The following HCRTR2 variants were observed in gnomAD, a reference collection of about 807,000 sequenced individuals.
HCRTR2 encodes orexin receptor type 2.
HCRTR2 carries 22 observed loss-of-function variants against 49.0 expected under a neutral mutation model. That is an observed-to-expected ratio of 0.45 (90% CI 0.32 to 0.64). The LOEUF is 0.64. Ranked by LOEUF, HCRTR2 falls within the 30% of genes least tolerant of loss-of-function variation. The pLI is 0.04. For missense variants in HCRTR2, 491 were observed against 559.4 expected (o/e 0.88, Z 1.23); for synonymous variants, 236 against 205.3 (o/e 1.15, Z -1.28).
At position 55,278,527 on chromosome 6, in the gene HCRTR2, CCT is replaced by C. The variant is rs199931854; in HGVS notation, c.983+928_983+929del. ...CAAAGGGTTCTCATTCTCTTTGGCC[CCT>C]GTTTTTGATGGTTTAACGGCTTTTT... On this transcript the variant is annotated intron_variant, in intron 5 of 6. Transcript: ENST00000370862. Among the ~76,000 whole-genome samples, 988 of 152,058 alleles carry C rather than the reference CCT, an allele frequency of 6.5e-3. 13 individuals are homozygous for C. The highest frequency in any genetic ancestry group is 0.022 in the African/African-American group (923 of 41,478).
At chr6:55,185,196 T>C (rs1765196500) in intron 1 of HCRTR2, among the ~76,000 whole-genome samples, 1 of 152,174 alleles carries the variant, frequency 6.6e-6, no homozygotes, top group South Asian at 2.1e-4. Context: ...AAGATAAAAA[T>C]ACATTAACAA....
At chr6:55,262,361 AATGT>A in intron 3 of HCRTR2, among the ~76,000 whole-genome samples, 1 of 140,324 alleles carries the variant, frequency 7.1e-6, no homozygotes, top group African/African-American at 2.7e-5. Context: ...ATAAATATAT[AATGT>A]ATTATAGTTA....
intron 1 of HCRTR2, among the ~76,000 whole-genome samples, chr6:55,111,743 C>A (rs1429623823): frequency 6.6e-6 from 1 of 151,892 alleles, no homozygotes; most frequent in African/African-American, 2.4e-5. Flanking sequence ...GGTACCAATC[C>A]TGTTGATACT....
intron 1 of HCRTR2, among the ~76,000 whole-genome samples, chr6:55,155,108 A>G (rs1319981430): frequency 2.0e-5 from 3 of 151,918 alleles, no homozygotes; most frequent in Non-Finnish European, 4.4e-5. Context: ...ATTCCATGCC[A>G]TGGTTTGGAA....
chr6:55,125,770 C>A (rs187090366), intron 1 of HCRTR2, among the ~76,000 whole-genome samples: 1 of 152,188 alleles, frequency 6.6e-6, no homozygotes, highest in East Asian at 1.9e-4. Flanking sequence ...TATGTTTGGT[C>A]TTTTCACATA....
intron 1 of HCRTR2, among the ~76,000 whole-genome samples, chr6:55,201,553 CT>C (rs1765513647): frequency 6.6e-6 from 1 of 151,996 alleles, no homozygotes; most frequent in Non-Finnish European, 1.5e-5. Flanking sequence ...ATTCTTTTTG[CT>C]CATTTATAAA....
At chr6:55,228,340 T>A (rs78611461) in intron 1 of HCRTR2, among the ~76,000 whole-genome samples, 3 of 152,032 alleles carry the variant, frequency 2.0e-5, no homozygotes, top group African/African-American at 7.2e-5. Context: ...GAAAAAAAAT[T>A]AAATATTAAA....
intron 1 of HCRTR2, among the ~76,000 whole-genome samples, chr6:55,165,019 T>G (rs1389743501): frequency 6.6e-6 from 1 of 152,078 alleles, no homozygotes; most frequent in Non-Finnish European, 1.5e-5. Flanking sequence ...GCTGAAAAAT[T>G]CAATTGATAT....
At chr6:55,214,712 C>G (rs1765757932) in intron 1 of HCRTR2, among the ~76,000 whole-genome samples, 2 of 151,514 alleles carry the variant, frequency 1.3e-5, no homozygotes, top group Admixed American at 1.3e-4. Flanking sequence ...GCTTAGAAAA[C>G]CAATTAATGG....
rs563934688 is a variant in HCRTR2, at chr6:55,136,396, T to G, written c.-378+29851T>G. On this transcript the variant is annotated intron_variant, in intron 1 of 7. Transcript: ENST00000615358. ...TCCTGTTCACATACACACTCTAACT[T>G]TGGTCTTTTTATTTACTTTGTCTGT... Among the ~76,000 whole-genome samples the G allele has an allele frequency of 1.1e-3, 160 of 152,238 alleles. 2 individuals are homozygous for G. In the South Asian group the frequency reaches 0.02, roughly 19 times the overall value.
At chr6:55,251,817 T>C (rs887940297) in intron 2 of HCRTR2, among the ~76,000 whole-genome samples, 3 of 152,048 alleles carry the variant, frequency 2.0e-5, no homozygotes, top group African/African-American at 7.2e-5. Context: ...GTGCCCATAG[T>C]ATAGGTCAAA....
In HCRTR2 at chr6:55,277,478, C is replaced by T; in HGVS notation, c.861C>T (p.Ser287=). The change falls in exon 5 of 7, where the codon AGC becomes AGT. Residue 287 remains serine (S), a synonymous_variant. Coordinates refer to ENST00000370862, the MANE Select transcript of HCRTR2 (RefSeq NM_001384272.1). ...GACAGCCAACGAAGTCCCGGATGAG[C>T]GCTGTGGCGGCTGAAATAAAGCAGA... is the stretch of plus-strand genomic sequence containing the variant. ...GPGQPTKSRM[S]AVAAEIKQIR... 6.2e-7 allele frequency: 1 copy of T among 1,614,044 alleles called. No individual in the cohort carries two copies. Among genetic ancestry groups the T allele is most frequent in the Non-Finnish European group, 8.5e-7 (1 of 1,179,954 alleles).
chr6:55,106,750 C>T (rs1763980637), intron 1 of HCRTR2, among the ~76,000 whole-genome samples: 2 of 152,104 alleles, frequency 1.3e-5, no homozygotes, highest in Admixed American at 1.3e-4. Context: ...TCTCAGACAT[C>T]ATCATGGTAA....
chr6:55,155,669 T>C (rs1324039283), intron 1 of HCRTR2, among the ~76,000 whole-genome samples: 1 of 152,044 alleles, frequency 6.6e-6, no homozygotes, highest in Non-Finnish European at 1.5e-5. Flanking sequence ...AGACATTTTC[T>C]ACATGCATAA....
At chr6:55,231,927 C>T (rs1346448670) in intron 1 of HCRTR2, among the ~76,000 whole-genome samples, 1 of 152,080 alleles carries the variant, frequency 6.6e-6, no homozygotes, top group East Asian at 1.9e-4. Context: ...AACTCATAAT[C>T]TCCTCATCTC....
chr6:55,207,765 T>A (rs367714361), intron 1 of HCRTR2, among the ~76,000 whole-genome samples: 4 of 152,304 alleles, frequency 2.6e-5, no homozygotes, highest in African/African-American at 9.6e-5. Context: ...AGGTGACTGA[T>A]AAAGTTTCTT....
At chr6:55,149,187 T>C (rs960052886) in intron 1 of HCRTR2, among the ~76,000 whole-genome samples, 1 of 152,070 alleles carries the variant, frequency 6.6e-6, no homozygotes, top group Admixed American at 6.6e-5. Context: ...GCTGTTTTAT[T>C]TTTTTTCTCA....
intron 1 of HCRTR2, among the ~76,000 whole-genome samples, chr6:55,224,907 A>C (rs1765972994): frequency 1.3e-5 from 2 of 152,172 alleles, no homozygotes; most frequent in Admixed American, 6.5e-5. Flanking sequence ...ATTTCAGTTA[A>C]AGAGGAAGAA....
intron 1 of HCRTR2, among the ~76,000 whole-genome samples, chr6:55,116,786 G>A (rs1764123589): frequency 6.6e-6 from 1 of 150,828 alleles, no homozygotes; most frequent in Non-Finnish European, 1.5e-5. Context: ...AATTATGAAA[G>A]GTACTAACAG....
Sources: gnomAD v4.1 joint callset for allele counts (sites outside exome capture counted in the v4.1 genomes callset) on GRCh38, gnomAD v4.1.1 for gene constraint, MANE v1.5 for transcripts, NCBI Gene and HGNC (gene_info 2026-07-23, HGNC 2026-07-21) for gene names.